The following CIMIP7 variants were observed in gnomAD, a reference collection of about 807,000 sequenced individuals.
CIMIP7 encodes ciliary microtubule inner protein 7, also known as uncharacterized protein C3orf84.
At chr3:49,178,886 C>T in the CIMIP7 span, among the ~76,000 whole-genome samples, 891 of 152,236 alleles carry the variant, frequency 5.9e-3, 8 homozygotes, top group African/African-American at 0.02. Flanking sequence ...GTCCTCTCCT[C>T]CCCTGCATCC....
At chr3:49,178,595 C>T in the CIMIP7 span, 2 of 1,485,068 alleles carry the variant, frequency 1.3e-6, no homozygotes, top group East Asian at 4.6e-5. Context: ...TTTACCCACC[C>T]TTACCTGGAT....
the CIMIP7 span, chr3:49,189,874 G>A: frequency 1.3e-6 from 1 of 765,204 alleles, no homozygotes; most frequent in Non-Finnish European, 2.4e-6. Flanking sequence ...GTCTGTAGGG[G>A]AAAGATCTGA....
chr3:49,180,925 G>C, the CIMIP7 span, among the ~76,000 whole-genome samples: 3 of 62,774 alleles, frequency 4.8e-5, no homozygotes, highest in African/African-American at 2.5e-4. Context: ...GTGAGACTCC[G>C]TCTCAAAAAA....
chr3:49,185,791 A>C, the CIMIP7 span, among the ~76,000 whole-genome samples: 4 of 150,818 alleles, frequency 2.7e-5, no homozygotes, highest in Non-Finnish European at 4.4e-5. Flanking sequence ...CCTGGGTTCA[A>C]GCTATTCTCC....
the CIMIP7 span, among the ~76,000 whole-genome samples, chr3:49,185,416 A>T: frequency 6.6e-6 from 1 of 150,564 alleles, no homozygotes; most frequent in African/African-American, 2.5e-5. Flanking sequence ...AATAAAAAAA[A>T]TTAGCTGGAC....
the CIMIP7 span, chr3:49,178,093 C>G: frequency 2.0e-6 from 3 of 1,516,918 alleles, no homozygotes; most frequent in Non-Finnish European, 2.6e-6. Context: ...TTCCTGGCAC[C>G]AAGCACCTTC....
the CIMIP7 span, chr3:49,178,434 G>A: frequency 1.3e-6 from 2 of 1,569,190 alleles, no homozygotes; most frequent in Non-Finnish European, 1.8e-6. Flanking sequence ...CCAGACTTCA[G>A]CTTAGGCTGG....
chr3:49,190,697 T>C, the CIMIP7 span, among the ~76,000 whole-genome samples: 1 of 126,702 alleles, frequency 7.9e-6, no homozygotes. Context: ...TGAGACGGAG[T>C]CTTGCTCTGT....
the CIMIP7 span, chr3:49,191,737 A>C: frequency 6.3e-7 from 1 of 1,589,612 alleles, no homozygotes; most frequent in East Asian, 2.2e-5. Flanking sequence ...CATAAAGTGC[A>C]CTCTTACCCA....
the CIMIP7 span, chr3:49,191,823 G>C: frequency 6.6e-7 from 1 of 1,516,946 alleles, no homozygotes; most frequent in Non-Finnish European, 8.9e-7. Flanking sequence ...CTTTTGGAGG[G>C]TATCTTCAGG....
chr3:49,182,009 C>G, the CIMIP7 span, among the ~76,000 whole-genome samples: 1 of 152,074 alleles, frequency 6.6e-6, no homozygotes, highest in African/African-American at 2.4e-5. Flanking sequence ...TGTTACAGCT[C>G]TTCAGGCGGC....
At chr3:49,182,217 T>C in the CIMIP7 span, among the ~76,000 whole-genome samples, 3 of 152,224 alleles carry the variant, frequency 2.0e-5, no homozygotes, top group African/African-American at 7.2e-5. Context: ...GGGTTGCCAC[T>C]GCTGGCTGGG....
At chr3:49,191,744 C>G in the CIMIP7 span, 1 of 1,586,284 alleles carries the variant, frequency 6.3e-7, no homozygotes, top group Non-Finnish European at 8.5e-7. Flanking sequence ...TGCACTCTTA[C>G]CCAGGAGCCT....
chr3:49,186,659 T>A, the CIMIP7 span, among the ~76,000 whole-genome samples: 2 of 152,284 alleles, frequency 1.3e-5, no homozygotes, highest in South Asian at 4.1e-4. Flanking sequence ...TGCCTTGGCC[T>A]CCCAAAGTGC....
chr3:49,182,891 C>T, the CIMIP7 span, among the ~76,000 whole-genome samples: 58 of 152,164 alleles, frequency 3.8e-4, no homozygotes, highest in Admixed American at 1.0e-3. Flanking sequence ...CTGCCCGGGG[C>T]GGGGGGGCCA....
At chr3:49,189,355 C>T in the CIMIP7 span, among the ~76,000 whole-genome samples, 51 of 152,188 alleles carry the variant, frequency 3.4e-4, no homozygotes, top group Non-Finnish European at 2.2e-4. Flanking sequence ...AAGTGATCCA[C>T]CTGCCCTGGC....
At chr3:49,191,266 C>T in the CIMIP7 span, among the ~76,000 whole-genome samples, 2 of 152,166 alleles carry the variant, frequency 1.3e-5, no homozygotes, top group South Asian at 2.1e-4. Flanking sequence ...CCACTGAAGA[C>T]GTGGATCACT....
the CIMIP7 span, chr3:49,178,367 G>T: frequency 2.2e-6 from 2 of 923,398 alleles, no homozygotes; most frequent in Non-Finnish European, 1.7e-6. Flanking sequence ...CCACTCCTCT[G>T]CCTTCATAAG....
the CIMIP7 span, among the ~76,000 whole-genome samples, chr3:49,181,523 T>C: frequency 6.6e-6 from 1 of 152,024 alleles, no homozygotes; most frequent in Non-Finnish European, 1.5e-5. Context: ...CCAGGCGTGG[T>C]GGTGCATACC....
Sources: allele counts gnomAD v4.1 joint callset (sites outside exome capture counted in the v4.1 genomes callset), GRCh38; gene constraint gnomAD v4.1.1; transcripts MANE v1.5; gene names NCBI Gene and HGNC (gene_info 2026-07-23, HGNC 2026-07-21).